The following AFAP1 variants were observed in gnomAD, a reference collection of about 807,000 sequenced individuals.
The protein encoded by AFAP1 is actin filament-associated protein 1.
In AFAP1, 75 loss-of-function variants were observed where a neutral mutation model predicts 93.9. The ratio of observed to expected loss-of-function variants is 0.80; its 90% CI spans 0.66 to 0.97. The LOEUF is 0.97. Among genes scored for constraint, AFAP1 ranks in the 50% least tolerant of loss-of-function variants. AFAP1 has a pLI of 0.00. For missense variants in AFAP1, 1,201 were observed against 1,050.8 expected (o/e 1.14, Z -1.98); for synonymous variants, 517 against 430.7 (o/e 1.20, Z -2.48).
Position 7,922,489 on chromosome 4 carries a change from T to C in AFAP1, c.-3+17167A>G, listed in dbSNP as rs554537387. On this transcript the variant is annotated intron_variant, in intron 1 of 17. Coordinates refer to ENST00000420658, the MANE Select transcript of AFAP1 (RefSeq NM_001134647.2). Reference sequence around the variant, plus strand: ...GATGTCCCAGATGGAGATAAGAACATAGGCGAAGAAGATGAAGAGACGAGA... The same window carrying C: ...GATGTCCCAGATGGAGATAAGAACACAGGCGAAGAAGATGAAGAGACGAGA... Among the ~76,000 whole-genome samples, 30 of 152,242 alleles carry C rather than the reference T, an allele frequency of 2.0e-4. 1 individual carries two copies. Among genetic ancestry groups the C allele is most frequent in the Admixed American group, 1.4e-3 (21 of 15,282 alleles).
intron 1 of AFAP1, among the ~76,000 whole-genome samples, chr4:7,884,155 G>A (rs1300962430): frequency 1.3e-5 from 2 of 152,120 alleles, no homozygotes; most frequent in Non-Finnish European, 2.9e-5. Context: ...TGAGACACCT[G>A]CTCCCCCCTT....
chr4:7,812,257 G>C (rs1300655999), intron 8 of AFAP1, among the ~76,000 whole-genome samples: 1 of 152,122 alleles, frequency 6.6e-6, no homozygotes, highest in East Asian at 1.9e-4. Flanking sequence ...CCCTCAGAAA[G>C]GCTGGTGGAG....
chr4:7,848,240 AGGAAGGGAGGGAG>A (rs1714031192), intron 4 of AFAP1, among the ~76,000 whole-genome samples: 1 of 102,230 alleles, frequency 9.8e-6, no homozygotes, highest in Non-Finnish European at 1.9e-5. Context: ...GGATGGAGGG[AGGAAGGGAGGGAG>A]GGAAGGAAGG....
chr4:7,898,808 A>AGAGTGTGTGTGTGTGTGTGT (rs376959896), intron 1 of AFAP1, among the ~76,000 whole-genome samples: 1 of 136,956 alleles, frequency 7.3e-6, no homozygotes, highest in African/African-American at 2.7e-5. Context: ...GGGCAGTAGA[A>AGAGTGTGTGTGTGTGTGTGT]GTGTGTGTGT....
intron 15 of AFAP1, 132 bp downstream of exon 15, chr4:7,774,607 T>A (rs994318405): frequency 3.2e-5 from 42 of 1,324,072 alleles, no homozygotes; most frequent in Non-Finnish European, 4.0e-5. Context: ...CAAGAAACAC[T>A]GTGAGATAAC....
rs747673001 is a variant in AFAP1 at position 7,816,080 on chromosome 4, G to A, written c.842C>T (p.Pro281Leu). The A allele has an allele frequency of 6.2e-7, 1 of 1,612,546 alleles. No individual in the cohort carries two copies. The highest frequency in any genetic ancestry group is 8.5e-7 in the Non-Finnish European group (1 of 1,179,532). ...CACAACACCCTCCCCATCTGAGCTG[G>A]GTCTCTCTGAAGACAGTTTCTGTAA... ...ELEKKLSSER[P>L]SSDGEGVVEN... The change falls in exon 8 of 18, where the codon CCC becomes CTC. Residue 281 changes from proline to leucine, a missense_variant. Transcript: ENST00000420658.
At chr4:7,875,228 G>A (rs775173804) in intron 1 of AFAP1, among the ~76,000 whole-genome samples, 5 of 152,102 alleles carry the variant, frequency 3.3e-5, no homozygotes, top group Non-Finnish European at 7.3e-5. Flanking sequence ...AACATCCTTC[G>A]GGATTAAAGA....
chr4:7,926,256 C>T (rs994566858), intron 1 of AFAP1, among the ~76,000 whole-genome samples: 1 of 152,218 alleles, frequency 6.6e-6, no homozygotes, highest in Non-Finnish European at 1.5e-5. Context: ...CCCCACAGTT[C>T]TATTTTAGCA....
chr4:7,897,158 G>T (rs1027673241), intron 1 of AFAP1, among the ~76,000 whole-genome samples: 1 of 151,994 alleles, frequency 6.6e-6, no homozygotes, highest in Non-Finnish European at 1.5e-5. Flanking sequence ...CTTTGGGTAG[G>T]CTGAGCTCAA....
Position 7,774,541 on chromosome 4 carries a change from G to A in AFAP1, c.2062+198C>T, listed in dbSNP as rs140250323. The A allele has an allele frequency of 2.7e-3, 2,175 of 791,740 alleles. 4 individuals carry two copies. The highest frequency in any genetic ancestry group is 3.5e-3 in the Non-Finnish European group (1,829 of 526,184). The allele number at this position is 791,740 out of a possible 1,614,324, so 49.0% of individuals were successfully genotyped here. On this transcript the variant is annotated intron_variant, in intron 15 of 17. Transcript: ENST00000420658. ...TGGCCCTGGCCTCTGCCTGCACGCC[G>A]CATGTTTGACCACACAGGCACCTGC...
chr4:7,763,651 C>G lies in AFAP1; in HGVS notation c.*114G>C. 2.3e-6 allele frequency: 3 copies of G among 1,276,888 alleles called. No individual in the cohort carries two copies. Among genetic ancestry groups the G allele is most frequent in the Non-Finnish European group, 3.3e-6 (3 of 903,388 alleles). 79.1% of individuals were successfully genotyped at this position (1,276,888 alleles called of 1,614,324 possible). On this transcript the variant is annotated 3_prime_UTR_variant, in exon 18 of 18. Transcript: ENST00000420658. ...CTGGCCTCAGAGCTCAGTCGTGGAGCCTCTGGAGTCGTGCAGCTGAGGCCA... is the reference window on the plus strand; with the variant it reads ...CTGGCCTCAGAGCTCAGTCGTGGAGGCTCTGGAGTCGTGCAGCTGAGGCCA...
chr4:7,809,825 AAC>A, intron 8 of AFAP1, 62 bp from the exon 9 acceptor site: 2 of 1,553,954 alleles, frequency 1.3e-6, no homozygotes, highest in Non-Finnish European at 1.7e-6. Context: ...TGAAAAAAAA[AAC>A]ATACATCAAA....
intron 11 of AFAP1, among the ~76,000 whole-genome samples, chr4:7,786,693 T>G (rs1191460890): frequency 6.6e-6 from 1 of 152,216 alleles, no homozygotes; most frequent in Non-Finnish European, 1.5e-5. Context: ...ACCAAGCGTT[T>G]TGATTATCAT....
At chr4:7,863,128 T>C (rs1312341169) in intron 3 of AFAP1, among the ~76,000 whole-genome samples, 1 of 152,144 alleles carries the variant, frequency 6.6e-6, no homozygotes, top group Non-Finnish European at 1.5e-5. Flanking sequence ...GAACAATCTT[T>C]TGAAAAGCCA....
chr4:7,883,411 C>T (rs1717964248), intron 1 of AFAP1, among the ~76,000 whole-genome samples: 1 of 151,778 alleles, frequency 6.6e-6, no homozygotes, highest in African/African-American at 2.4e-5. Context: ...ATTAAAACAC[C>T]CACACCCAAA....
At chr4:7,873,431 C>T (rs2149186951) in intron 1 of AFAP1, among the ~76,000 whole-genome samples, 1 of 120,152 alleles carries the variant, frequency 8.3e-6, no homozygotes, top group East Asian at 3.0e-4. Context: ...TCACTGAAAG[C>T]TCCGCCTCCT....
chr4:7,890,680 C>T (rs1362818190), intron 1 of AFAP1, among the ~76,000 whole-genome samples: 1 of 152,028 alleles, frequency 6.6e-6, no homozygotes, highest in East Asian at 1.9e-4. Context: ...GGCCAATAAG[C>T]ACATAAAAAT....
At chr4:7,925,539 C>G (rs1159830927) in intron 1 of AFAP1, among the ~76,000 whole-genome samples, 1 of 151,748 alleles carries the variant, frequency 6.6e-6, no homozygotes, top group East Asian at 1.9e-4. Context: ...AAGGAAAAAC[C>G]CCATTCTTAC....
At chr4:7,840,267 T>TGTGTGTGTGTGCGTGTGTGTGC (rs140323830) in intron 5 of AFAP1, among the ~76,000 whole-genome samples, 1 of 144,822 alleles carries the variant, frequency 6.9e-6, no homozygotes, top group Non-Finnish European at 1.5e-5. Context: ...TTGGGATGTG[T>TGTGTGTGTGTGCGTGTGTGTGC]GTGTGTGTGT....
Sources: allele counts gnomAD v4.1 joint callset (sites outside exome capture counted in the v4.1 genomes callset), GRCh38; gene constraint gnomAD v4.1.1; transcripts MANE v1.5; gene names NCBI Gene and HGNC (gene_info 2026-07-23, HGNC 2026-07-21).